Variants in COL23A1 observed in about 807,000 individuals in gnomAD.
COL23A1 encodes collagen alpha-1(XXIII) chain.
A neutral mutation model predicts 99.3 loss-of-function variants in COL23A1; 97 were observed. The observed-to-expected ratio is 0.98, with a 90% CI of 0.83 to 1.16. The LOEUF is 1.16. Ranked by LOEUF, COL23A1 falls within the 50% of genes most tolerant of loss-of-function variation. The probability of loss-of-function intolerance (pLI) is 0.00; values close to 1 mark genes in which losing one functional copy is unlikely to be tolerated. For missense variants in COL23A1, 762 were observed against 757.4 expected, an observed-to-expected ratio of 1.01 and a Z score of -0.07; for synonymous variants, 320 against 308.2, an observed-to-expected ratio of 1.04 and a Z score of -0.40.
intron 2 of COL23A1, among the ~76,000 whole-genome samples, chr5:178,375,501 A>C (rs1401397944): frequency 6.6e-6 from 1 of 152,218 alleles, no homozygotes; most frequent in Non-Finnish European, 1.5e-5. Flanking sequence ...TCTCACACAG[A>C]GTCGATGGTC....
chr5:178,502,889 A>G (rs1758649773), intron 2 of COL23A1, among the ~76,000 whole-genome samples: 2 of 152,220 alleles, frequency 1.3e-5, no homozygotes, highest in Non-Finnish European at 2.9e-5. Flanking sequence ...CCTGAACCGC[A>G]GCACACGCTG....
intron 2 of COL23A1, among the ~76,000 whole-genome samples, chr5:178,526,353 C>T (rs10479494): frequency 9.5e-4 from 145 of 152,332 alleles, no homozygotes; most frequent in Admixed American, 3.7e-3. Flanking sequence ...CAGTGACAGG[C>T]TCACGGGACA....
intron 2 of COL23A1, among the ~76,000 whole-genome samples, chr5:178,335,334 G>C (rs1471582791): frequency 1.3e-5 from 2 of 152,232 alleles, no homozygotes; most frequent in Non-Finnish European, 2.9e-5. Context: ...TAAAGTGATG[G>C]AAGGGCTTTC....
In COL23A1 at chr5:178,439,553, T is replaced by A. The variant is rs1766748314; in HGVS notation, c.361+121129A>T. The A allele has an allele frequency of 6.6e-6, 1 of 152,184 alleles. No homozygotes were observed. Among genetic ancestry groups the A allele is most frequent in the Admixed American group, 6.5e-5 (1 of 15,276 alleles). The allele number at this position is 152,184 out of a possible 1,614,324, so 9.4% of individuals were successfully genotyped here. A position where few individuals can be genotyped will look rare whatever the true frequency, so the allele number is the denominator to read the frequency against. On this transcript the variant is annotated intron_variant, in intron 2 of 28. Transcript: ENST00000390654. The surrounding 1 kb of genome is among the most constrained non-coding windows in gnomAD (Gnocchi z 4.2). ...AGAGCAAGTCTCATCACATCTCTCC[T>A]CTGCTCAAATCCTCCAGCAGATGTG...
chr5:178,471,091 C>T (rs977503638), intron 2 of COL23A1, among the ~76,000 whole-genome samples: 2 of 152,154 alleles, frequency 1.3e-5, no homozygotes, highest in African/African-American at 4.8e-5. Context: ...TTGGTCAGGT[C>T]CCTGCAGGAA....
Position 178,410,508 on chromosome 5 carries a change from T to C in COL23A1, c.362-103589A>G, listed in dbSNP as rs193241259. ...CTATGGTAATCAAAACAGTGGGGCA[T>C]TGGCATAAGGATAGATATAGACCAA... On this transcript the variant is annotated intron_variant, in intron 2 of 28. Coordinates refer to ENST00000390654, the MANE Select transcript of COL23A1 (RefSeq NM_173465.4). Among the ~76,000 whole-genome samples, 27 of 152,352 alleles carry C rather than the reference T, an allele frequency of 1.8e-4. No homozygotes were observed. In the East Asian group the frequency reaches 3.1e-3, roughly 17 times the overall value.
intron 2 of COL23A1, among the ~76,000 whole-genome samples, chr5:178,505,383 G>C (rs1159135306): frequency 6.6e-6 from 1 of 151,958 alleles, no homozygotes; most frequent in Non-Finnish European, 1.5e-5. Context: ...CTGAGTACCT[G>C]GGATTACAGG....
chr5:178,476,542 G>A (rs1368053230), intron 2 of COL23A1, among the ~76,000 whole-genome samples: 3 of 152,092 alleles, frequency 2.0e-5, no homozygotes, highest in East Asian at 1.9e-4. Flanking sequence ...TCATATCCAC[G>A]GACCTGCCTA....
rs907546375 is a variant in COL23A1 at position 178,313,427 on chromosome 5, C to A, written c.362-6508G>T. 6.6e-6 allele frequency among the ~76,000 whole-genome samples: 1 copy of A among 152,228 alleles called. No homozygotes were observed. Among genetic ancestry groups the A allele is most frequent in the Non-Finnish European group, 1.5e-5 (1 of 68,034 alleles). On this transcript the variant is annotated intron_variant, in intron 2 of 28. Transcript: ENST00000390654. The surrounding 1 kb of genome is among the most constrained non-coding windows in gnomAD (Gnocchi z 4.2). ...GGGTCTCAGCTACCCCTGAGCGAGG[C>A]TGTGAGCCGGGCCGTCCTGATGGAG... is the stretch of plus-strand genomic sequence containing the variant.
intron 2 of COL23A1, among the ~76,000 whole-genome samples, chr5:178,436,535 T>C (rs1404930547): frequency 6.6e-6 from 1 of 152,148 alleles, no homozygotes; most frequent in Non-Finnish European, 1.5e-5. Flanking sequence ...GGAAACACAC[T>C]GTGTGTTCTT....
chr5:178,445,055 A>C (rs988694681), intron 2 of COL23A1, among the ~76,000 whole-genome samples: 4 of 152,212 alleles, frequency 2.6e-5, no homozygotes, highest in African/African-American at 9.6e-5. Flanking sequence ...CTAATATCCT[A>C]AACAAAACAT....
In COL23A1 at chr5:178,256,397, C is replaced by T. The variant is rs751196719; in HGVS notation, c.838G>A (p.Gly280Arg). 1 of 1,606,626 alleles carries T rather than the reference C, an allele frequency of 6.2e-7. No individual in the cohort carries two copies. Among genetic ancestry groups the T allele is most frequent in the Non-Finnish European group, 8.5e-7 (1 of 1,176,010 alleles). Residue 280 changes from glycine to arginine, a missense_variant and splice_region_variant, in exon 15 of 29, where the codon GGG becomes AGG. Coordinates refer to ENST00000390654, the MANE Select transcript of COL23A1 (RefSeq NM_173465.4). ...NGVDGAPGPK[G>R]EPGHRGTDGA... is the part of the protein sequence containing the mutation. ...TCCGTGCCTCGGTGGCCAGGCTCCC[C>T]CTGTGGAGACATGCATTTGCAGCCA...
intron 1 of COL23A1, among the ~76,000 whole-genome samples, chr5:178,563,708 T>C (rs1183822776): frequency 6.6e-6 from 1 of 151,832 alleles, no homozygotes; most frequent in African/African-American, 2.4e-5. Flanking sequence ...ATTTTTAAAT[T>C]TTTTGTAGAG....
In COL23A1 at chr5:178,313,594, G is replaced by A. The variant is rs1043825172; in HGVS notation, c.362-6675C>T. Among the ~76,000 whole-genome samples the A allele has an allele frequency of 1.3e-5, 2 of 152,166 alleles. No individual in the cohort carries two copies. The highest frequency in any genetic ancestry group is 1.5e-5 in the Non-Finnish European group (1 of 68,038). ...CTGGAACCCGGGTCTGTGTGACTTC[G>A]GAGTCTGTCCCCTGAACATCTGTGT... On this transcript the variant is annotated intron_variant, in intron 2 of 28. Coordinates refer to ENST00000390654, the MANE Select transcript of COL23A1 (RefSeq NM_173465.4). This position sits in a 1 kb window ranked among gnomAD's most constrained non-coding sequence, Gnocchi z 4.2.
intron 2 of COL23A1, among the ~76,000 whole-genome samples, chr5:178,345,547 C>T (rs1273847330): frequency 2.7e-5 from 4 of 147,546 alleles, no homozygotes; most frequent in Admixed American, 6.8e-5. Flanking sequence ...GACAGAGTTT[C>T]GCTCTGCCAC....
At chr5:178,326,261 C>G (rs1759651142) in intron 2 of COL23A1, among the ~76,000 whole-genome samples, 2 of 152,214 alleles carry the variant, frequency 1.3e-5, no homozygotes, top group Non-Finnish European at 2.9e-5. Flanking sequence ...CTCCTACGCA[C>G]TTTAGCACTG....
chr5:178,408,974 ATACACACACACACACACACACAC>A (rs1455837311), intron 2 of COL23A1, among the ~76,000 whole-genome samples: 1 of 56,068 alleles, frequency 1.8e-5, no homozygotes, highest in Non-Finnish European at 3.2e-5. Context: ...AAAAAAAAAA[ATACACACACACACACACACACAC>A]ACACACACAC....
chr5:178,332,899 A>G (rs1307237778), intron 2 of COL23A1, among the ~76,000 whole-genome samples: 4 of 151,482 alleles, frequency 2.6e-5, no homozygotes, highest in Non-Finnish European at 4.4e-5. Context: ...GAAGCCAGAC[A>G]TCGGGATTTT....
At chr5:178,548,321 T>G (rs1305478806) in intron 2 of COL23A1, among the ~76,000 whole-genome samples, 2 of 151,948 alleles carry the variant, frequency 1.3e-5, no homozygotes, top group African/African-American at 4.8e-5. Context: ...CTCTCATATG[T>G]CCCACAGTCA....
Sources: gnomAD v4.1 joint callset for allele counts (sites outside exome capture counted in the v4.1 genomes callset) on GRCh38, gnomAD v4.1.1 for gene constraint, Gnocchi (gnomAD v3.1) non-coding constraint, MANE v1.5 for transcripts, NCBI Gene and HGNC (gene_info 2026-07-23, HGNC 2026-07-21) for gene names.